The following DGKB variants were observed in gnomAD, a reference collection of about 807,000 sequenced individuals.
DGKB encodes the protein 90 kDa diacylglycerol kinase.
A neutral mutation model predicts 114.3 loss-of-function variants in DGKB; 67 were observed. The observed-to-expected ratio is 0.59, with a 90% CI of 0.48 to 0.72. DGKB has a LOEUF of 0.72. DGKB is among the 30% of genes least tolerant of loss of function. DGKB has a pLI of 0.00. For synonymous variants in DGKB, 398 were observed against 323.1 expected (o/e 1.23, Z -2.49); for missense variants, 907 against 975.2 (o/e 0.93, Z 0.93).
intron 14 of DGKB, among the ~76,000 whole-genome samples, chr7:14,624,956 C>T (rs994751561): frequency 6.6e-6 from 1 of 151,888 alleles, no homozygotes; most frequent in Non-Finnish European, 1.5e-5. Context: ...CAAGATTGTA[C>T]CACTGAACTC....
chr7:14,940,233 T>C (rs1053800312), intron 1 of DGKB, among the ~76,000 whole-genome samples: 1 of 152,194 alleles, frequency 6.6e-6, no homozygotes, highest in African/African-American at 2.4e-5. Context: ...AGTCGCTGTG[T>C]TCTCACAAGA....
chr7:14,887,413 T>C (rs901335817), intron 1 of DGKB, among the ~76,000 whole-genome samples: 2 of 151,776 alleles, frequency 1.3e-5, no homozygotes, highest in Non-Finnish European at 2.9e-5. Flanking sequence ...ACCTCTTCTC[T>C]ATTGCAAAAA....
At chr7:14,641,952 CAGTTT>C (rs1380540089) in intron 13 of DGKB, among the ~76,000 whole-genome samples, 2 of 151,932 alleles carry the variant, frequency 1.3e-5, no homozygotes, top group Non-Finnish European at 2.9e-5. Context: ...CTTTTTCATT[CAGTTT>C]AATTTTCTTT....
At chr7:14,611,943 CA>C (rs1805623464) in intron 16 of DGKB, among the ~76,000 whole-genome samples, 1 of 151,276 alleles carries the variant, frequency 6.6e-6, no homozygotes, top group African/African-American at 2.4e-5. Context: ...GTTAAACTAT[CA>C]ATAACATATA....
intron 17 of DGKB, among the ~76,000 whole-genome samples, chr7:14,589,173 T>C (rs1233205353): frequency 6.6e-6 from 1 of 152,008 alleles, no homozygotes; most frequent in African/African-American, 2.4e-5. Flanking sequence ...TTAAAAATTA[T>C]GTTTATTAAT....
chr7:14,462,389 A>C (rs527933279), intron 21 of DGKB, among the ~76,000 whole-genome samples: 3 of 152,342 alleles, frequency 2.0e-5, no homozygotes, highest in African/African-American at 7.2e-5. Flanking sequence ...CCTTAAGCTG[A>C]TAAGCAACTT....
chr7:14,864,591 T>G lies in DGKB; in HGVS notation c.-187-23141A>C, dbSNP rs191193330. 1.2e-3 allele frequency among the ~76,000 whole-genome samples: 187 copies of G among 152,310 alleles called. 1 individual carries two copies. The highest frequency in any genetic ancestry group is 2.2e-3 in the Non-Finnish European group (151 of 68,024). ...AGTTATGCCCAGGTATATTGAGTGA[T>G]AGGAAACAATTGATTCCGGGCTTTA... On this transcript the variant is annotated intron_variant, in intron 1 of 25. Coordinates refer to ENST00000402815, the MANE Select transcript of DGKB (RefSeq NM_001350709.2).
intron 5 of DGKB, among the ~76,000 whole-genome samples, chr7:14,719,098 C>T (rs1828718081): frequency 6.6e-6 from 1 of 152,124 alleles, no homozygotes. Context: ...CAGTCTTTCA[C>T]AATATAATTT....
intron 5 of DGKB, among the ~76,000 whole-genome samples, chr7:14,730,478 T>C (rs932012059): frequency 2.0e-5 from 3 of 152,170 alleles, no homozygotes; most frequent in African/African-American, 7.2e-5. Context: ...AAGGAAGCAT[T>C]GGGTTTTCAT....
chr7:14,955,945 G>A (rs1013520366), intron 1 of DGKB, among the ~76,000 whole-genome samples: 3 of 151,994 alleles, frequency 2.0e-5, no homozygotes, highest in Admixed American at 6.6e-5. Flanking sequence ...GAATGACATT[G>A]AAGAGGTAGG....
intron 22 of DGKB, among the ~76,000 whole-genome samples, chr7:14,340,138 G>A (rs532348623): frequency 3.1e-4 from 44 of 143,032 alleles, no homozygotes; most frequent in Middle Eastern, 3.6e-3. Flanking sequence ...CAATGAGGGC[G>A]AAACCAAGAT....
chr7:14,574,387 A>T lies in DGKB; in HGVS notation c.1610-15T>A, dbSNP rs754041875. 1.9e-5 allele frequency: 31 copies of T among 1,598,890 alleles called. No homozygotes were observed. The highest frequency in any genetic ancestry group is 1.7e-4 in the Middle Eastern group (1 of 6,008). Reference sequence around the variant, plus strand: ...ACCTTCGTAACCTAGTGGGAAAAAAAAATACCTTGAGAAAAGAACTCTAAC... The same window carrying T: ...ACCTTCGTAACCTAGTGGGAAAAAATAATACCTTGAGAAAAGAACTCTAAC... On this transcript the variant is annotated splice_polypyrimidine_tract_variant and intron_variant, in intron 19 of 25. Transcript: ENST00000402815.
intron 5 of DGKB, among the ~76,000 whole-genome samples, chr7:14,725,391 A>G (rs1829867486): frequency 6.6e-6 from 1 of 152,150 alleles, no homozygotes; most frequent in Non-Finnish European, 1.5e-5. Flanking sequence ...TTGAATATAT[A>G]TAAGTATGGG....
chr7:14,217,977 CTTGT>C (rs1789276034), intron 23 of DGKB, among the ~76,000 whole-genome samples: 1 of 152,094 alleles, frequency 6.6e-6, no homozygotes, highest in South Asian at 2.1e-4. Flanking sequence ...GACATCCTAA[CTTGT>C]TTGTTTCCTA....
chr7:14,746,708 A>G (rs1406568498), intron 4 of DGKB, among the ~76,000 whole-genome samples: 4 of 152,174 alleles, frequency 2.6e-5, no homozygotes, highest in Non-Finnish European at 5.9e-5. Flanking sequence ...CATGTGGGCC[A>G]GGCTGGTCAT....
chr7:14,625,825 A>G (rs1808472395), intron 14 of DGKB, among the ~76,000 whole-genome samples: 1 of 152,220 alleles, frequency 6.6e-6, no homozygotes, highest in African/African-American at 2.4e-5. Context: ...TAACTACAAA[A>G]TATAAAATAC....
rs577702848 is a variant in DGKB at position 14,962,702 on chromosome 7, TGTTAGTAAAATTGGCAAGGCTAATAAA to T, written c.-188+11967_-188+11993del. On this transcript the variant is annotated intron_variant, in intron 1 of 4. Transcript: ENST00000437998. Reference sequence around the variant, plus strand: ...TATACAGGCAAATGACCAGAAAACATGTTAGTAAAATTGGCAAGGCTAATAAAGTTTCTTACAATGATTTCAAGTGAG... The same window carrying T: ...TATACAGGCAAATGACCAGAAAACATGTTTCTTACAATGATTTCAAGTGAG... Among the ~76,000 whole-genome samples, 185 of 151,786 alleles carry T rather than the reference TGTTAGTAAAATTGGCAAGGCTAATAAA, an allele frequency of 1.2e-3. 1 individual carries two copies. Among genetic ancestry groups the T allele is most frequent in the African/African-American group, 4.3e-3 (180 of 41,412 alleles).
intron 21 of DGKB, among the ~76,000 whole-genome samples, chr7:14,407,550 G>A (rs1423816345): frequency 2.0e-5 from 3 of 151,998 alleles, no homozygotes; most frequent in Admixed American, 1.3e-4. Flanking sequence ...CAGTACAGGA[G>A]GCAAAAGCCT....
intron 21 of DGKB, among the ~76,000 whole-genome samples, chr7:14,425,116 T>A (rs1407715105): frequency 2.0e-5 from 3 of 152,132 alleles, no homozygotes. Context: ...GAAATTTATA[T>A]GATTTTCATT....
Sources: gnomAD v4.1 joint callset for allele counts (sites outside exome capture counted in the v4.1 genomes callset) on GRCh38, gnomAD v4.1.1 for gene constraint, MANE v1.5 for transcripts, NCBI Gene and HGNC (gene_info 2026-07-23, HGNC 2026-07-21) for gene names.